KCNAB2: variants seen among roughly 807,000 people sequenced by gnomAD.
KCNAB2 encodes potassium voltage-gated channel subfamily A regulatory beta subunit 2, also known as voltage-gated potassium channel subunit beta-2.
A neutral mutation model predicts 63.6 loss-of-function variants in KCNAB2; 29 were observed. The observed-to-expected ratio is 0.46, with a 90% CI of 0.34 to 0.62. The LOEUF is 0.62. Among genes scored for constraint, KCNAB2 ranks in the 20% least tolerant of loss-of-function variants. The pLI is 0.01. For synonymous variants in KCNAB2, 222 were observed against 224.2 expected, an observed-to-expected ratio of 0.99 and a Z score of 0.09; for missense variants, 359 against 563.9, an observed-to-expected ratio of 0.64 and a Z score of 3.68.
rs780856173 is a variant in KCNAB2 at position 6,090,417 on chromosome 1, G to A, written c.543G>A (p.Gln181=). Reference sequence around the variant, plus strand: ...TGAAAGCTTCCCTGGAGCGACTGCAGCTGGAGTACGTGGATGTGGTGTTTG... The same window carrying A: ...TGAAAGCTTCCCTGGAGCGACTGCAACTGGAGTACGTGGATGTGGTGTTTG... The part of the protein sequence containing the change: ...EGLKASLERL[Q]LEYVDVVFAN... The change falls in exon 9 of 16, where the codon CAG becomes CAA. Residue 181 remains glutamine (Q), a synonymous_variant. Coordinates refer to ENST00000378083, the MANE Select transcript of KCNAB2 (RefSeq NM_001199862.2). 1.1e-5 allele frequency: 17 copies of A among 1,613,858 alleles called. No individual in the cohort carries two copies. Among genetic ancestry groups the A allele is most frequent in the Non-Finnish European group, 1.4e-5 (17 of 1,179,972 alleles).
Position 6,003,124 on chromosome 1 carries a change from G to A in KCNAB2, c.-53+10336G>A, listed in dbSNP as rs776541021. On this transcript the variant is annotated intron_variant, in intron 1 of 16. Transcript: ENST00000341524. This position sits in a 1 kb window ranked among gnomAD's most constrained non-coding sequence, Gnocchi z 4.1. ...GGGGCGGGCGCTCGCCCTTGGCCTC[G>A]CTCCTGAGCCACAGTCACCAGGGTG... is the stretch of plus-strand genomic sequence containing the variant. Among the ~76,000 whole-genome samples, 14 of 152,304 alleles carry A rather than the reference G, an allele frequency of 9.2e-5. No individual in the cohort carries two copies. Among genetic ancestry groups the A allele is most frequent in the Middle Eastern group, 3.4e-3 (1 of 294 alleles).
chr1:6,050,102 C>T (rs927024978), intron 1 of KCNAB2, among the ~76,000 whole-genome samples: 3 of 152,336 alleles, frequency 2.0e-5, no homozygotes, highest in Non-Finnish European at 2.9e-5. Flanking sequence ...CTTCAAGGAC[C>T]GTGCTAAAGC....
At chr1:6,095,177 T>C in intron 11 of KCNAB2, 146 bp from the exon 12 acceptor site, 1 of 819,592 alleles carries the variant, frequency 1.2e-6, no homozygotes, top group Non-Finnish European at 1.9e-6. Flanking sequence ...CCAGGGAAGC[T>C]ATGAGTGTGA....
At chr1:6,076,208 C>T (rs562553753) in intron 4 of KCNAB2, among the ~76,000 whole-genome samples, 1 of 152,250 alleles carries the variant, frequency 6.6e-6, no homozygotes, top group Non-Finnish European at 1.5e-5. Flanking sequence ...AAAATGAAAG[C>T]TTGCCCAGGG....
At chr1:6,085,350 A>T in intron 6 of KCNAB2, 102 bp downstream of exon 6, 1 of 947,768 alleles carries the variant, frequency 1.1e-6, no homozygotes, top group Non-Finnish European at 1.7e-6. Flanking sequence ...AAGGCCCGCA[A>T]GTCCCCACAT....
chr1:6,075,019 A>T (rs958655948), intron 4 of KCNAB2, among the ~76,000 whole-genome samples: 1 of 151,630 alleles, frequency 6.6e-6, no homozygotes, highest in African/African-American at 2.4e-5. Context: ...AAGTTGCTGG[A>T]TAGGCGCTAT....
At chr1:6,081,394 G>A (rs12741018) in intron 4 of KCNAB2, among the ~76,000 whole-genome samples, 112,139 of 152,216 alleles carry the variant, frequency 0.74, 41,575 homozygotes, top group East Asian at 0.9. Flanking sequence ...ATTCAATGAG[G>A]TACAACTGAA....
At chr1:6,037,682 C>T (rs560432863) in intron 1 of KCNAB2, among the ~76,000 whole-genome samples, 1 of 152,242 alleles carries the variant, frequency 6.6e-6, no homozygotes, top group Admixed American at 6.5e-5. Context: ...GATTTGATTT[C>T]CTGCCTCTGA....
intron 1 of KCNAB2, among the ~76,000 whole-genome samples, chr1:6,011,217 C>A (rs2100269849): frequency 6.6e-6 from 1 of 152,320 alleles, no homozygotes; most frequent in East Asian, 1.9e-4. Flanking sequence ...AGGAGGGAAA[C>A]AGGCAGGCAG....
chr1:6,058,103 G>T (rs993070979), intron 2 of KCNAB2, among the ~76,000 whole-genome samples: 3 of 152,122 alleles, frequency 2.0e-5, no homozygotes, highest in Admixed American at 2.0e-4. Flanking sequence ...AGCCGAGATC[G>T]AACCACTGGC....
chr1:6,049,352 C>T (rs1282269319), intron 1 of KCNAB2, among the ~76,000 whole-genome samples: 3 of 152,218 alleles, frequency 2.0e-5, no homozygotes, highest in Admixed American at 1.3e-4. Flanking sequence ...CTCCTGGACT[C>T]AACCTTCAGG....
chr1:6,090,523 A>C (rs1322723297), intron 9 of KCNAB2, 48 bp downstream of exon 9: 5 of 1,471,180 alleles, frequency 3.4e-6, no homozygotes, highest in Non-Finnish European at 4.7e-6. Context: ...GCGGGGTCTG[A>C]AGGGTCTGAA....
At chr1:6,049,396 G>C (rs1033903724) in intron 1 of KCNAB2, among the ~76,000 whole-genome samples, 2 of 152,244 alleles carry the variant, frequency 1.3e-5, no homozygotes, top group African/African-American at 4.8e-5. Context: ...AGCTAGAAAG[G>C]AATCAGCAAG....
chr1:6,054,176 T>C (rs1300169505), intron 2 of KCNAB2, among the ~76,000 whole-genome samples: 4 of 152,076 alleles, frequency 2.6e-5, no homozygotes, highest in Non-Finnish European at 5.9e-5. Context: ...CTGGTGTCCT[T>C]ATAAGAAGGC....
In KCNAB2 at chr1:5,999,254, A is replaced by C. The variant is rs149474426; in HGVS notation, c.-53+6466A>C. Among the ~76,000 whole-genome samples the C allele has an allele frequency of 2.6e-3, 400 of 152,212 alleles. 3 individuals are homozygous for C. The highest frequency in any genetic ancestry group is 2.8e-3 in the Non-Finnish European group (191 of 68,010). ...GGGCCTGGGTGGGCCGAGGGTCCTG[A>C]GATATCGGTGTGCCCAGCAGGCTTG... On this transcript the variant is annotated intron_variant, in intron 1 of 16. Coordinates refer to the KCNAB2 transcript ENST00000341524.
intron 1 of KCNAB2, among the ~76,000 whole-genome samples, chr1:6,008,174 C>T (rs751174358): frequency 3.9e-5 from 6 of 152,294 alleles, no homozygotes; most frequent in Non-Finnish European, 7.4e-5. Context: ...TTGGATTTCA[C>T]GAGGCAGATG....
At chr1:6,045,879 C>T (rs977044833), upstream of KCNAB2, 29 of 985,382 alleles carry the variant, frequency 2.9e-5, no homozygotes, top group Admixed American at 1.0e-3. The surrounding 1 kb of genome is among the most constrained non-coding windows in gnomAD (Gnocchi z 4.8). Flanking sequence ...CCCAACCCCA[C>T]GCACCGGGAG....
In KCNAB2 at chr1:6,013,826, C is replaced by T. The variant is rs1570860872; in HGVS notation, c.-53+21038C>T. Among the ~76,000 whole-genome samples, 3 of 152,266 alleles carry T rather than the reference C, an allele frequency of 2.0e-5. No homozygotes were observed. In the East Asian group the frequency reaches 5.8e-4, roughly 29 times the overall value. On this transcript the variant is annotated intron_variant, in intron 1 of 16. Transcript: ENST00000341524. ...CCTGCTGCTGCCCGGGCCCCCCCAG[C>T]AGTCGGTTCTCAGTGATCTTGAGAA...
chr1:6,064,831 T>C (rs567977964), intron 2 of KCNAB2, among the ~76,000 whole-genome samples: 1 of 152,280 alleles, frequency 6.6e-6, no homozygotes, highest in East Asian at 1.9e-4. Context: ...AGGGGGACAC[T>C]TGGGATCAGA....
Sources: allele counts gnomAD v4.1 joint callset (sites outside exome capture counted in the v4.1 genomes callset), GRCh38; gene constraint gnomAD v4.1.1; non-coding constraint Gnocchi (gnomAD v3.1); transcripts MANE v1.5; gene names NCBI Gene and HGNC (gene_info 2026-07-23, HGNC 2026-07-21).